CCDC171: variants seen among roughly 807,000 people sequenced by gnomAD.
The protein encoded by CCDC171 is coiled-coil domain-containing protein 171.
In CCDC171, 177 loss-of-function variants were observed where a neutral mutation model predicts 168.2. That is an observed-to-expected ratio of 1.05 (90% confidence interval 0.93 to 1.19). CCDC171 has a LOEUF of 1.19. Among genes scored for constraint, CCDC171 ranks in the 50% most tolerant of loss-of-function variants. The pLI is 0.00. For synonymous variants in CCDC171, 687 were observed against 540.8 expected (o/e 1.27, Z -3.75); for missense variants, 1,991 against 1,539.0 (o/e 1.29, Z -4.91).
chr9:15,745,717 A>T, intron 18 of CCDC171, 86 bp downstream of exon 18: 1 of 696,448 alleles, frequency 1.4e-6, no homozygotes, highest in Non-Finnish European at 2.3e-6. Context: ...CTAATAAAAC[A>T]TATAGGGGGA....
At chr9:15,917,702 C>T (rs1473612524) in intron 24 of CCDC171, among the ~76,000 whole-genome samples, 1 of 151,418 alleles carries the variant, frequency 6.6e-6, no homozygotes, top group Non-Finnish European at 1.5e-5. Context: ...ATGTGTTTCT[C>T]CAAGGTTAGA....
At chr9:15,803,578 A>T (rs942709602) in intron 21 of CCDC171, among the ~76,000 whole-genome samples, 4 of 151,728 alleles carry the variant, frequency 2.6e-5, no homozygotes, top group African/African-American at 7.3e-5. Context: ...TTGTAGATGT[A>T]TGATTTTATT....
chr9:15,936,564 A>G (rs925851578), intron 25 of CCDC171, among the ~76,000 whole-genome samples: 7 of 152,030 alleles, frequency 4.6e-5, no homozygotes, highest in Non-Finnish European at 8.8e-5. Flanking sequence ...TGGTCAAGGC[A>G]TGAACACTTG....
chr9:15,971,904 C>A lies in CCDC171; in HGVS notation c.*68C>A. 7.4e-7 allele frequency: 1 copy of A among 1,352,694 alleles called. No homozygotes were observed. 83.8% of individuals were successfully genotyped at this position (1,352,694 alleles called of 1,614,324 possible). On this transcript the variant is annotated 3_prime_UTR_variant, in exon 26 of 26. Coordinates refer to ENST00000380701, the MANE Select transcript of CCDC171 (RefSeq NM_173550.4). ...TAAAATTGTTTTGAATGGGAATTTT[C>A]TTATCAGTTGACTTTTGTTTCAGCA...
intron 3 of CCDC171, among the ~76,000 whole-genome samples, chr9:15,990,312 A>G (rs1248039795): frequency 1.3e-5 from 2 of 152,180 alleles, no homozygotes; most frequent in Admixed American, 1.3e-4. Context: ...AGAATTTCAT[A>G]TCCAGCCAAA....
intron 21 of CCDC171, among the ~76,000 whole-genome samples, chr9:15,814,512 T>C (rs1193986848): frequency 6.6e-6 from 1 of 152,194 alleles, no homozygotes; most frequent in East Asian, 1.9e-4. Context: ...TATATGAATT[T>C]TTTTTAAATG....
intron 6 of CCDC171, among the ~76,000 whole-genome samples, chr9:15,604,042 A>G (rs1001387073): frequency 2.7e-5 from 4 of 147,692 alleles, no homozygotes; most frequent in Non-Finnish European, 6.0e-5. Context: ...GGCTGCATGT[A>G]TGTCTTTTTT....
At chr9:15,951,546 G>GC (rs1231280612) in intron 25 of CCDC171, among the ~76,000 whole-genome samples, 1 of 151,882 alleles carries the variant, frequency 6.6e-6, no homozygotes, top group African/African-American at 2.4e-5. Flanking sequence ...TTGTTTGCTT[G>GC]TTTTTTTAAG....
the CCDC171 span, among the ~76,000 whole-genome samples, chr9:16,092,899 G>A: frequency 4.6e-5 from 7 of 152,210 alleles, no homozygotes; most frequent in African/African-American, 1.2e-4. Flanking sequence ...CCTCGTGCCC[G>A]GCTGGCCCTG....
intron 20 of CCDC171, among the ~76,000 whole-genome samples, chr9:15,779,726 C>T (rs889464745): frequency 1.3e-5 from 2 of 152,102 alleles, no homozygotes; most frequent in Non-Finnish European, 2.9e-5. Context: ...AATTGCTTTT[C>T]CAAAGAAATG....
Position 15,591,417 on chromosome 9 carries a change from A to T in CCDC171, c.404A>T (p.Gln135Leu). 1 of 1,609,308 alleles carries T rather than the reference A, an allele frequency of 6.2e-7. No homozygotes were observed. The highest frequency in any genetic ancestry group is 8.5e-7 in the Non-Finnish European group (1 of 1,178,178). The change falls in exon 5 of 26, where the codon CAG becomes CTG. Residue 135 changes from glutamine to leucine, a missense_variant. Physicochemically the swap from Gln to Leu is moderately radical, Grantham distance 113 (BLOSUM62 -2). Coordinates refer to ENST00000380701, the MANE Select transcript of CCDC171 (RefSeq NM_173550.4). ...ACAAATGAGACTGAGAAAGCATTTC[A>T]GACTTCTCAGCAAAAATGGAAAGAA... is the stretch of plus-strand genomic sequence containing the variant. ...AKTNETEKAF[Q>L]TSQQKWKEEC...
intron 13 of CCDC171, 90 bp from the exon 14 acceptor site, chr9:15,724,686 G>T (rs540518930): frequency 7.9e-6 from 6 of 755,278 alleles, no homozygotes; most frequent in Non-Finnish European, 1.3e-5. Flanking sequence ...TTAAAGCTTT[G>T]AAAATGTTCA....
chr9:15,657,448 T>G (rs2048024454), intron 8 of CCDC171, among the ~76,000 whole-genome samples: 1 of 152,184 alleles, frequency 6.6e-6, no homozygotes, highest in African/African-American at 2.4e-5. Context: ...TGTCTGTTCT[T>G]GTGAAGTTTT....
intron 6 of CCDC171, among the ~76,000 whole-genome samples, chr9:15,607,354 A>G (rs2043304561): frequency 6.6e-6 from 1 of 152,040 alleles, no homozygotes; most frequent in Non-Finnish European, 1.5e-5. Context: ...TTGGTGTTTA[A>G]TTTTCTGTCT....
chr9:16,017,980 G>A (rs968527802), intron 3 of CCDC171, among the ~76,000 whole-genome samples: 5 of 152,170 alleles, frequency 3.3e-5, no homozygotes, highest in African/African-American at 1.2e-4. Context: ...AATGACAGAA[G>A]CAGCACAAAA....
At chr9:16,091,059 A>G in the CCDC171 span, among the ~76,000 whole-genome samples, 2 of 152,110 alleles carry the variant, frequency 1.3e-5, no homozygotes, top group Admixed American at 1.3e-4. Flanking sequence ...GGCCATAGCC[A>G]GTGATGGTCA....
At chr9:15,728,116 A>G (rs959335765) in intron 15 of CCDC171, 80 bp downstream of exon 15, 1 of 1,048,476 alleles carries the variant, frequency 9.5e-7, no homozygotes, top group African/African-American at 1.6e-5. Flanking sequence ...AGAGGGGCTG[A>G]CATTCATCTT....
At chr9:16,005,167 C>T (rs891937250) in intron 3 of CCDC171, among the ~76,000 whole-genome samples, 5 of 152,204 alleles carry the variant, frequency 3.3e-5, no homozygotes, top group African/African-American at 1.2e-4. Flanking sequence ...GTCACTCCCA[C>T]TCCACCTGCC....
At chr9:15,990,697 C>T (rs958609259) in intron 3 of CCDC171, among the ~76,000 whole-genome samples, 4 of 152,088 alleles carry the variant, frequency 2.6e-5, no homozygotes, top group Non-Finnish European at 5.9e-5. Flanking sequence ...CATGCAGAGC[C>T]ACACATAGGC....
Sources: allele counts gnomAD v4.1 joint callset (sites outside exome capture counted in the v4.1 genomes callset), GRCh38; gene constraint gnomAD v4.1.1; transcripts MANE v1.5; gene names NCBI Gene and HGNC (gene_info 2026-07-23, HGNC 2026-07-21).